Variants in NEK6 observed in about 807,000 individuals in gnomAD.
The protein encoded by NEK6 is NIMA related kinase 6, also known as serine/threonine-protein kinase Nek6.
NEK6 carries 27 observed loss-of-function variants against 43.5 expected under a neutral mutation model. The observed-to-expected ratio is 0.62, with a 90% CI of 0.46 to 0.86. NEK6 has a LOEUF of 0.86. Ranked by LOEUF, NEK6 falls within the 40% of genes least tolerant of loss-of-function variation. The probability of loss-of-function intolerance (pLI) is 0.00; values close to 1 mark genes in which losing one functional copy is unlikely to be tolerated. For missense variants in NEK6, 318 were observed against 414.4 expected, an observed-to-expected ratio of 0.77 and a Z score of 2.02; for synonymous variants, 167 against 164.1, an observed-to-expected ratio of 1.02 and a Z score of -0.14.
In NEK6 at chr9:124,324,541, A is replaced by T. The variant is rs1588514941; in HGVS notation, c.406-1789A>T. Among the ~76,000 whole-genome samples, 1 of 151,006 alleles carries T rather than the reference A, an allele frequency of 6.6e-6. No homozygotes were observed. The highest frequency in any genetic ancestry group is 1.5e-5 in the Non-Finnish European group (1 of 67,732). ...AGGACATGACATTTAGAAAATCACC[A>T]CTCTCGGCCACGCGCGTCCCTGCTT... On this transcript the variant is annotated intron_variant, in intron 5 of 9. Transcript: ENST00000320246. This position sits in a 1 kb window ranked among gnomAD's most constrained non-coding sequence, Gnocchi z 5.3.
At position 124,281,480 on chromosome 9, in the gene NEK6, GTTTTTTCTTTTTTTTTTT is replaced by G. The variant is rs1462252315; in HGVS notation, c.-29-20449_-29-20432del. On this transcript the variant is annotated intron_variant, in intron 1 of 9. Transcript: ENST00000320246. ...GGCATAGCTACTTTCCATGTCAGCT[GTTTTTTCTTTTTTTTTTT>G]TTTTTTTTTTTTTTTTTTTGGAGGC... Among the ~76,000 whole-genome samples the G allele has an allele frequency of 2.6e-5, 3 of 114,858 alleles. No homozygotes were observed. In the East Asian group the frequency reaches 8.7e-4, roughly 33 times the overall value. 75.4% of individuals were successfully genotyped at this position (114,858 alleles called of 152,430 possible). A position where few individuals can be genotyped will look rare whatever the true frequency, so the allele number is the denominator to read the frequency against.
At position 124,350,722 on chromosome 9, in the gene NEK6, A is replaced by G. The variant is rs1041750986; in HGVS notation, c.832-115A>G. On this transcript the variant is annotated intron_variant, in intron 9 of 9. Transcript: ENST00000320246. ...CCGTTCTTCAGCTCTAACGGGGACAACGGGACCATCTAGTTGCTCTGAGGA... is the reference window on the plus strand; with the variant it reads ...CCGTTCTTCAGCTCTAACGGGGACAGCGGGACCATCTAGTTGCTCTGAGGA... 213 of 756,834 alleles carry G rather than the reference A, an allele frequency of 2.8e-4. 2 individuals carry two copies. The highest frequency in any genetic ancestry group is 8.1e-4 in the African/African-American group (47 of 58,056). 46.9% of individuals were successfully genotyped at this position (756,834 alleles called of 1,614,324 possible). A position where few individuals can be genotyped will look rare whatever the true frequency, so the allele number is the denominator to read the frequency against.
At chr9:124,285,668 C>T (rs1832124730) in intron 1 of NEK6, among the ~76,000 whole-genome samples, 1 of 152,172 alleles carries the variant, frequency 6.6e-6, no homozygotes, top group African/African-American at 2.4e-5. Context: ...TGTGTCCAAG[C>T]CGCAGATGCA....
intron 1 of NEK6, among the ~76,000 whole-genome samples, chr9:124,281,159 C>T (rs1052190998): frequency 6.6e-6 from 1 of 152,248 alleles, no homozygotes; most frequent in Non-Finnish European, 1.5e-5. Flanking sequence ...GGTGACTGGC[C>T]TGGGGGCCTC....
chr9:124,307,951 A>G (rs546118786), intron 2 of NEK6, among the ~76,000 whole-genome samples: 1 of 152,222 alleles, frequency 6.6e-6, no homozygotes, highest in South Asian at 2.1e-4. Flanking sequence ...GTCCCCGGGG[A>G]AGCAGGTCCA....
At chr9:124,295,049 G>C (rs1832615293) in intron 1 of NEK6, among the ~76,000 whole-genome samples, 1 of 152,186 alleles carries the variant, frequency 6.6e-6, no homozygotes, top group South Asian at 2.1e-4. Context: ...GCACCGTGTG[G>C]CCCCCAATCA....
intron 1 of NEK6, chr9:124,261,479 G>C (rs1831027476): frequency 1.0e-6 from 1 of 985,376 alleles, no homozygotes; most frequent in Non-Finnish European, 1.2e-6. Flanking sequence ...TGGAGATGAG[G>C]CTGGGACACT....
At chr9:124,311,051 C>A (rs1833501657) in intron 2 of NEK6, among the ~76,000 whole-genome samples, 1 of 152,222 alleles carries the variant, frequency 6.6e-6, no homozygotes, top group Non-Finnish European at 1.5e-5. Context: ...CCAGCTTAGA[C>A]CTGCCCAGGA....
chr9:124,317,432 T>G (rs1485277259), intron 4 of NEK6, among the ~76,000 whole-genome samples: 1 of 152,176 alleles, frequency 6.6e-6, no homozygotes, highest in Non-Finnish European at 1.5e-5. Flanking sequence ...AGGCTGGTCT[T>G]GAACGCCTGA....
chr9:124,297,246 C>T (rs1832737985), intron 1 of NEK6, among the ~76,000 whole-genome samples: 1 of 152,216 alleles, frequency 6.6e-6, no homozygotes, highest in Non-Finnish European at 1.5e-5. Context: ...GAGGTGATCA[C>T]GCCTCCATTG....
At position 124,292,158 on chromosome 9, in the gene NEK6, G is replaced by C. The variant is rs375180070; in HGVS notation, c.-29-9778G>C. 2.8e-5 allele frequency: 35 copies of C among 1,236,674 alleles called. No homozygotes were observed. In the African/African-American group the frequency reaches 5.1e-4, roughly 18 times the overall value. 76.6% of individuals were successfully genotyped at this position (1,236,674 alleles called of 1,614,324 possible). A position where few individuals can be genotyped will look rare whatever the true frequency, so the allele number is the denominator to read the frequency against. On this transcript the variant is annotated intron_variant, in intron 1 of 9. Transcript: ENST00000320246. ...TTAGGGGTGTGTCCAGCGAGGGATGGGGAACCAGGCCCCAGGGACCTCCAG... is the reference window on the plus strand; with the variant it reads ...TTAGGGGTGTGTCCAGCGAGGGATGCGGAACCAGGCCCCAGGGACCTCCAG...
At chr9:124,310,828 C>G (rs866835729) in intron 2 of NEK6, among the ~76,000 whole-genome samples, 12 of 152,210 alleles carry the variant, frequency 7.9e-5, no homozygotes, top group Non-Finnish European at 1.5e-4. Context: ...CTTAAGTGAT[C>G]GCCCGCCTCG....
At chr9:124,328,625 A>G (rs1828796156) in intron 7 of NEK6, among the ~76,000 whole-genome samples, 1 of 152,234 alleles carries the variant, frequency 6.6e-6, no homozygotes, top group Non-Finnish European at 1.5e-5. Flanking sequence ...GCCTGCGGCA[A>G]GCGGGGTGTG....
intron 1 of NEK6, among the ~76,000 whole-genome samples, chr9:124,285,524 C>T (rs767449436): frequency 2.8e-4 from 42 of 152,132 alleles, no homozygotes; most frequent in Admixed American, 9.8e-4. Flanking sequence ...CGAGAGTCTC[C>T]CAGGCTATAG....
At chr9:124,312,289 C>T (rs374676101) in intron 2 of NEK6, among the ~76,000 whole-genome samples, 74 of 152,292 alleles carry the variant, frequency 4.9e-4, no homozygotes, top group Middle Eastern at 3.4e-3. Context: ...CATGAACAGC[C>T]TCAGTTTTTC....
chr9:124,297,462 T>C (rs563020334), intron 1 of NEK6, among the ~76,000 whole-genome samples: 11 of 152,210 alleles, frequency 7.2e-5, no homozygotes, highest in African/African-American at 1.9e-4. Flanking sequence ...GCAGTCCAGC[T>C]CCCCGCCAGC....
At chr9:124,317,623 C>T (rs574827424) in intron 4 of NEK6, among the ~76,000 whole-genome samples, 13 of 152,318 alleles carry the variant, frequency 8.5e-5, no homozygotes, top group East Asian at 5.8e-4. Flanking sequence ...GATCCCGTCA[C>T]GCAGATAGTG....
intron 1 of NEK6, 194 bp downstream of exon 1, chr9:124,258,279 G>A (rs968994062): frequency 1.8e-5 from 18 of 984,942 alleles, no homozygotes; most frequent in Non-Finnish European, 1.9e-5. Context: ...GCGGGCGGGG[G>A]CGGCGTGTCC....
rs955687909 is a variant in NEK6 at position 124,343,095 on chromosome 9, A to G, written c.717+3430A>G. On this transcript the variant is annotated intron_variant, in intron 8 of 9. Transcript: ENST00000320246. This position sits in a 1 kb window ranked among gnomAD's most constrained non-coding sequence, Gnocchi z 5.1. ...TCCGAGTCCTCATTTGTGGGCACCT[A>G]AATGTGCATCTCACAAGGCAGTCCC... Among the ~76,000 whole-genome samples the G allele has an allele frequency of 1.3e-5, 2 of 152,116 alleles. No individual in the cohort carries two copies. The highest frequency in any genetic ancestry group is 4.8e-5 in the African/African-American group (2 of 41,438).
Sources: allele counts gnomAD v4.1 joint callset (sites outside exome capture counted in the v4.1 genomes callset), GRCh38; gene constraint gnomAD v4.1.1; non-coding constraint Gnocchi (gnomAD v3.1); transcripts MANE v1.5; gene names NCBI Gene and HGNC (gene_info 2026-07-23, HGNC 2026-07-21).